ABCA4: variants seen among roughly 807,000 people sequenced by gnomAD.
The protein encoded by ABCA4 is retinal-specific phospholipid-transporting ATPase ABCA4.
Under a neutral mutation model 263.7 loss-of-function variants are expected in ABCA4, and 196 were observed. The observed-to-expected ratio is 0.74, with a 90% CI of 0.66 to 0.84. ABCA4 has a LOEUF of 0.84. Ranked by LOEUF, ABCA4 falls within the 40% of genes least tolerant of loss-of-function variation. The probability of loss-of-function intolerance (pLI) is 0.00; values close to 1 mark genes in which losing one functional copy is unlikely to be tolerated. For missense variants in ABCA4, 2,792 were observed against 2,855.1 expected, an observed-to-expected ratio of 0.98 and a Z score of 0.50; for synonymous variants, 1,133 against 1,094.2, an observed-to-expected ratio of 1.04 and a Z score of -0.70.
rs149491886 is a variant in ABCA4 at position 94,032,857 on chromosome 1, G to C, written c.3863-814C>G. Among the ~76,000 whole-genome samples, 1,440 of 152,286 alleles carry C rather than the reference G, an allele frequency of 9.5e-3. 22 individuals are homozygous for C. Among genetic ancestry groups the C allele is most frequent in the Non-Finnish European group, 0.011 (753 of 68,030 alleles). On this transcript the variant is annotated intron_variant, in intron 26 of 49. Coordinates refer to ENST00000370225, the MANE Select transcript of ABCA4 (RefSeq NM_000350.3). Reference sequence around the variant, plus strand: ...GGGGAGGCAGAGTTGGGTAGAAAGGGGAGAGGAAGTGGGAAGCGAGACTTT... The same window carrying C: ...GGGGAGGCAGAGTTGGGTAGAAAGGCGAGAGGAAGTGGGAAGCGAGACTTT...
intron 18 of ABCA4, 129 bp from the exon 19 acceptor site, chr1:94,047,222 C>A: frequency 1.0e-6 from 1 of 973,422 alleles, no homozygotes; most frequent in South Asian, 1.3e-5. Flanking sequence ...ATCACCGTTG[C>A]AAGGAAGACT....
intron 29 of ABCA4, 100 bp downstream of exon 29, chr1:94,030,328 G>A: frequency 1.0e-6 from 1 of 1,001,342 alleles, no homozygotes; most frequent in South Asian, 1.3e-5. Flanking sequence ...CAGCAGAGCA[G>A]GATTGAGTGG....
Position 94,029,517 on chromosome 1 carries a change from C to T in ABCA4, c.4467G>A (p.Arg1489=). The stretch of plus-strand genomic sequence containing the variant: ...TGGTGAGCTTCTCCCTGGTGCTGCA[C>T]CTGCAGGATGGTGAAGGGTTGACCT... The part of the protein sequence containing the change: ...WTQVNPSPSC[R]CSTREKLTML... The change falls in exon 30 of 50, where the codon AGG becomes AGA. Residue 1489 remains arginine, a synonymous_variant. Coordinates refer to ENST00000370225, the MANE Select transcript of ABCA4 (RefSeq NM_000350.3). The T allele has an allele frequency of 6.2e-7, 1 of 1,607,546 alleles. No individual in the cohort carries two copies. Among genetic ancestry groups the T allele is most frequent in the Non-Finnish European group, 8.5e-7 (1 of 1,176,734 alleles).
intron 7 of ABCA4, among the ~76,000 whole-genome samples, chr1:94,082,174 C>A (rs145372225): frequency 6.6e-6 from 1 of 152,174 alleles, no homozygotes; most frequent in African/African-American, 2.4e-5. Flanking sequence ...AACAGTGAGT[C>A]TTATGACATC....
chr1:94,085,715 C>T (rs1661810054), intron 6 of ABCA4, among the ~76,000 whole-genome samples: 1 of 151,928 alleles, frequency 6.6e-6, no homozygotes, highest in Non-Finnish European at 1.5e-5. Flanking sequence ...TGAGCTGGTG[C>T]CTGGCTCCCT....
chr1:94,043,608 A>G lies in ABCA4; in HGVS notation c.3051-133T>C, dbSNP rs1660582065. On this transcript the variant is annotated intron_variant, in intron 20 of 49. Coordinates refer to ENST00000370225, the MANE Select transcript of ABCA4 (RefSeq NM_000350.3). ...TGCTCACTGTGGTGGTGTTTATGAT[A>G]CAATACAAAAATAGCAGACCCTGCT... The G allele has an allele frequency of 4.0e-6, 5 of 1,262,276 alleles. No homozygotes were observed. In the South Asian group the frequency reaches 5.2e-5, roughly 13 times the overall value. 78.2% of individuals were successfully genotyped at this position (1,262,276 alleles called of 1,614,324 possible).
chr1:94,029,384 G>T, intron 30 of ABCA4, 61 bp downstream of exon 30: 1 of 1,394,062 alleles, frequency 7.2e-7, no homozygotes, highest in South Asian at 1.4e-5. Flanking sequence ...AGATACCAGG[G>T]ACTCCCCTAG....
intron 30 of ABCA4, among the ~76,000 whole-genome samples, chr1:94,028,543 A>G (rs1660097314): frequency 6.6e-6 from 1 of 152,256 alleles, no homozygotes; most frequent in South Asian, 2.1e-4. Context: ...TTGAATGTAC[A>G]TCATAGCATT....
chr1:94,113,125 G>A lies in ABCA4; in HGVS notation c.67-59C>T, dbSNP rs1006710711. 1.6e-5 allele frequency: 25 copies of A among 1,532,570 alleles called. No homozygotes were observed. In the African/African-American group the frequency reaches 1.9e-4, roughly 12 times the overall value. The allele number at this position is 1,532,570 out of a possible 1,614,324, so 94.9% of individuals were successfully genotyped here. A position where few individuals can be genotyped will look rare whatever the true frequency, so the allele number is the denominator to read the frequency against. Reference sequence around the variant, plus strand: ...GTGGTGCTAAGAGATTATAGAAAACGTAACCAGAGCAGACACAGCCCTCCT... The same window carrying A: ...GTGGTGCTAAGAGATTATAGAAAACATAACCAGAGCAGACACAGCCCTCCT... On this transcript the variant is annotated intron_variant, in intron 1 of 49. Transcript: ENST00000370225.
intron 40 of ABCA4, 32 bp downstream of exon 40, chr1:94,010,768 G>T: frequency 6.2e-7 from 1 of 1,614,006 alleles, no homozygotes; most frequent in Non-Finnish European, 8.5e-7. Context: ...GCCCTGAGCT[G>T]CCCACTGGCC....
At chr1:94,063,567 C>G (rs1412149238) in intron 11 of ABCA4, among the ~76,000 whole-genome samples, 1 of 152,202 alleles carries the variant, frequency 6.6e-6, no homozygotes, top group African/African-American at 2.4e-5. Flanking sequence ...GAGGACCACA[C>G]TTTCCAGATG....
In ABCA4 at chr1:94,029,572, G is replaced by A. The variant is rs1660140769; in HGVS notation, c.4412C>T (p.Thr1471Ile). 6.2e-7 allele frequency: 1 copy of A among 1,614,046 alleles called. No individual in the cohort carries two copies. Among genetic ancestry groups the A allele is most frequent in the Non-Finnish European group, 8.5e-7 (1 of 1,179,964 alleles). Residue 1471 changes from threonine to isoleucine, a missense_variant, in exon 30 of 50, where the codon ACC becomes ATC. Coordinates refer to ENST00000370225, the MANE Select transcript of ABCA4 (RefSeq NM_000350.3). ...WKTPSVSPNITQLFQKQKWTQ... is the reference protein window; with the variant it reads ...WKTPSVSPNIIQLFQKQKWTQ... ...CCATTTCTGCTTCTGGAACAGCTGG[G>A]TGATGTTTGGGGACACAGAAGGAGT...
chr1:94,056,632 T>C lies in ABCA4; in HGVS notation c.2351A>G (p.Asp784Gly). ...CTTCTTCAGCTCAGCGGTCATGCGG[T>C]CCTGCCAGGCGAAGCACAGGATGTG... is the stretch of plus-strand genomic sequence containing the variant. ...LPHILCFAWQ[D>G]RMTAELKKAV... Residue 784 changes from aspartate (D) to glycine (G), a missense_variant, in exon 15 of 50, where the codon GAC becomes GGC. Physicochemically the swap from Asp to Gly is moderately conservative, Grantham distance 94 (BLOSUM62 -1). Transcript: ENST00000370225. The C allele has an allele frequency of 1.2e-6, 2 of 1,613,584 alleles. No homozygotes were observed. The highest frequency in any genetic ancestry group is 1.7e-6 in the Non-Finnish European group (2 of 1,180,016).
intron 37 of ABCA4, 40 bp downstream of exon 37, chr1:94,015,699 T>G: frequency 2.1e-6 from 3 of 1,416,732 alleles, no homozygotes; most frequent in African/African-American, 1.4e-5. Context: ...ACCACCAGGC[T>G]TCTCTTCAGA....
intron 11 of ABCA4, among the ~76,000 whole-genome samples, chr1:94,071,579 A>G (rs1394546991): frequency 1.3e-5 from 2 of 152,144 alleles, no homozygotes; most frequent in Non-Finnish European, 2.9e-5. Flanking sequence ...TCTGTTTTTA[A>G]TTCTATAAAA....
chr1:94,120,619 G>A (rs1219593622), intron 1 of ABCA4, among the ~76,000 whole-genome samples: 2 of 147,400 alleles, frequency 1.4e-5, no homozygotes, highest in African/African-American at 5.0e-5. Flanking sequence ...GCTCTTCAGG[G>A]CTTAAAGTTC....
chr1:93,999,774 C>T (rs530751344), intron 47 of ABCA4, among the ~76,000 whole-genome samples: 1 of 152,314 alleles, frequency 6.6e-6, no homozygotes, highest in African/African-American at 2.4e-5. Context: ...GGGAACACTC[C>T]CCTCTCACCC....
rs962290416 is a variant in ABCA4 at position 94,079,217 on chromosome 1, A to G, written c.1239+105T>C. The G allele has an allele frequency of 8.2e-5, 125 of 1,526,332 alleles. 1 individual carries two copies. In the South Asian group the frequency reaches 1.3e-3, roughly 16 times the overall value. The allele number at this position is 1,526,332 out of a possible 1,614,324, so 94.5% of individuals were successfully genotyped here. ...AGAGTCCACTTAGCAAAAAACAAAC[A>G]TGAGATGTGCTACCAGGAAGGCACA... On this transcript the variant is annotated intron_variant, in intron 9 of 49. Coordinates refer to ENST00000370225, the MANE Select transcript of ABCA4 (RefSeq NM_000350.3).
chr1:94,003,533 C>T (rs1659274427), intron 44 of ABCA4, among the ~76,000 whole-genome samples: 1 of 152,104 alleles, frequency 6.6e-6, no homozygotes, highest in Admixed American at 6.5e-5. Flanking sequence ...TTTGATCACC[C>T]AGTTAAGGTG....
Sources: gnomAD v4.1 joint callset for allele counts (sites outside exome capture counted in the v4.1 genomes callset) on GRCh38, gnomAD v4.1.1 for gene constraint, MANE v1.5 for transcripts, NCBI Gene and HGNC (gene_info 2026-07-23, HGNC 2026-07-21) for gene names.